Variants in KCNIP4 observed in about 807,000 individuals in gnomAD.
The protein encoded by KCNIP4 is potassium voltage-gated channel interacting protein 4.
A neutral mutation model predicts 34.0 loss-of-function variants in KCNIP4; 12 were observed. That is an observed-to-expected ratio of 0.35 (90% CI 0.23 to 0.57). The LOEUF is 0.57. Ranked by LOEUF, KCNIP4 falls within the 20% of genes least tolerant of loss-of-function variation. KCNIP4 has a pLI of 0.83. For missense variants in KCNIP4, 238 were observed against 311.7 expected, an observed-to-expected ratio of 0.76 and a Z score of 1.78; for synonymous variants, 124 against 102.2, an observed-to-expected ratio of 1.21 and a Z score of -1.29.
chr4:20,757,238 A>G (rs11723855), intron 4 of KCNIP4, among the ~76,000 whole-genome samples: 16,217 of 152,066 alleles, frequency 0.11, 932 homozygotes, highest in Middle Eastern at 0.16. Flanking sequence ...TATGTCTGTA[A>G]TCTGTCCCCA....
chr4:21,475,004 AAAC>A (rs200629143), intron 1 of KCNIP4, among the ~76,000 whole-genome samples: 30 of 135,760 alleles, frequency 2.2e-4, no homozygotes, highest in Middle Eastern at 3.6e-3. Flanking sequence ...CCATCTCGAA[AAAC>A]AAAAAAAAAA....
At chr4:21,471,924 T>C (rs549843624) in intron 1 of KCNIP4, among the ~76,000 whole-genome samples, 103 of 152,292 alleles carry the variant, frequency 6.8e-4, no homozygotes, top group African/African-American at 2.5e-3. Context: ...TAAATAAAAA[T>C]ATTCTTCTTT....
intron 1 of KCNIP4, among the ~76,000 whole-genome samples, chr4:21,498,890 C>A (rs1265263199): frequency 2.0e-5 from 3 of 152,012 alleles, no homozygotes; most frequent in Non-Finnish European, 4.4e-5. Flanking sequence ...AACAAACAAA[C>A]AAAAAAACCC....
intron 5 of KCNIP4, among the ~76,000 whole-genome samples, chr4:20,745,150 C>T (rs1166678954): frequency 6.6e-6 from 1 of 152,172 alleles, no homozygotes; most frequent in East Asian, 1.9e-4. Flanking sequence ...TACAGGGTCC[C>T]ACCCTTAGGT....
chr4:21,770,644 C>T (rs936890472), intron 1 of KCNIP4, among the ~76,000 whole-genome samples: 4 of 152,128 alleles, frequency 2.6e-5, no homozygotes, highest in Admixed American at 2.6e-4. Flanking sequence ...TACCGCCATT[C>T]TCACTGGCAT....
intron 1 of KCNIP4, among the ~76,000 whole-genome samples, chr4:21,765,839 A>C (rs972883940): frequency 4.2e-4 from 63 of 149,634 alleles, no homozygotes; most frequent in African/African-American, 1.5e-3. Context: ...AAAAAAAAAA[A>C]CAAACTGAAG....
At position 21,165,449 on chromosome 4, in the gene KCNIP4, CAAAAAAAAAAAA is replaced by C. The variant is rs1161082468; in HGVS notation, c.62-282752_62-282741del. On this transcript the variant is annotated intron_variant, in intron 1 of 8. Coordinates refer to ENST00000382152, the MANE Select transcript of KCNIP4 (RefSeq NM_025221.6). ...AAAAAAATCATATGTTTGAAAGCAT[CAAAAAAAAAAAA>C]AAAAAAAAAAAAAAGAAAATTATAC... Among the ~76,000 whole-genome samples the C allele has an allele frequency of 4.8e-3, 3 of 620 alleles. 1 individual carries two copies. The highest frequency in any genetic ancestry group is 0.12 in the South Asian group (1 of 8). The allele number at this position is 620 out of a possible 152,430, so 0.4% of individuals were successfully genotyped here. A position where few individuals can be genotyped will look rare whatever the true frequency, so the allele number is the denominator to read the frequency against.
intron 1 of KCNIP4, chr4:21,581,996 T>A (rs372369838): frequency 2.2e-5 from 3 of 134,030 alleles, no homozygotes; most frequent in East Asian, 2.2e-4. Flanking sequence ...ATAGACTACA[T>A]AGGGCATAGA....
chr4:21,568,500 T>C (rs1254707622), intron 1 of KCNIP4, among the ~76,000 whole-genome samples: 1 of 152,078 alleles, frequency 6.6e-6, no homozygotes, highest in African/African-American at 2.4e-5. Flanking sequence ...GGCTGGGAGA[T>C]GCAGACCCAC....
chr4:21,539,295 T>C (rs2108994571), intron 1 of KCNIP4, among the ~76,000 whole-genome samples: 1 of 152,346 alleles, frequency 6.6e-6, no homozygotes, highest in South Asian at 2.1e-4. Context: ...TGAAGTTTTC[T>C]AGTTCCACCC....
intron 1 of KCNIP4, among the ~76,000 whole-genome samples, chr4:21,885,970 A>G (rs1406414406): frequency 6.6e-6 from 1 of 152,056 alleles, no homozygotes; most frequent in Non-Finnish European, 1.5e-5. Context: ...GTTTTCAAGT[A>G]TCATTACTCA....
At chr4:21,306,744 G>A (rs991043081) in intron 1 of KCNIP4, among the ~76,000 whole-genome samples, 3 of 152,054 alleles carry the variant, frequency 2.0e-5, no homozygotes, top group Non-Finnish European at 4.4e-5. Context: ...CCTTATATAT[G>A]AATGTCCATA....
At chr4:21,193,728 C>T (rs1392835869) in intron 1 of KCNIP4, among the ~76,000 whole-genome samples, 3 of 152,006 alleles carry the variant, frequency 2.0e-5, no homozygotes, top group South Asian at 2.1e-4. Context: ...CCAGCCACCA[C>T]GCCCGGCTAA....
intron 1 of KCNIP4, among the ~76,000 whole-genome samples, chr4:21,268,852 A>G (rs1761971688): frequency 6.6e-6 from 1 of 152,254 alleles, no homozygotes; most frequent in Non-Finnish European, 1.5e-5. Context: ...AACTATGGCT[A>G]AAGCCAAGAC....
chr4:21,365,522 TAAAAAATAAA>T (rs1420103358), intron 1 of KCNIP4, among the ~76,000 whole-genome samples: 6,939 of 113,482 alleles, frequency 0.061, 232 homozygotes, highest in African/African-American at 0.075. Context: ...AATAAATAAA[TAAAAAATAAA>T]GAAAGAAAAG....
At chr4:21,796,782 T>C (rs957664167) in intron 1 of KCNIP4, among the ~76,000 whole-genome samples, 5 of 152,212 alleles carry the variant, frequency 3.3e-5, no homozygotes, top group African/African-American at 1.2e-4. Flanking sequence ...AACTGATGCA[T>C]TTATCAATGA....
At chr4:21,238,793 G>A (rs914491926) in intron 1 of KCNIP4, among the ~76,000 whole-genome samples, 2 of 152,110 alleles carry the variant, frequency 1.3e-5, no homozygotes, top group Non-Finnish European at 2.9e-5. Context: ...CATGAAAATG[G>A]CTATACTGCC....
intron 1 of KCNIP4, among the ~76,000 whole-genome samples, chr4:21,860,836 A>G (rs1725032909): frequency 6.6e-6 from 1 of 152,216 alleles, no homozygotes; most frequent in Non-Finnish European, 1.5e-5. Context: ...CACAGTCTAC[A>G]AATATTCATT....
chr4:21,829,990 T>TA (rs1256462277), intron 1 of KCNIP4, among the ~76,000 whole-genome samples: 28 of 152,282 alleles, frequency 1.8e-4, no homozygotes, highest in African/African-American at 6.5e-4. Context: ...AGTAAGTTTT[T>TA]ATCTATCAAT....
Sources: allele counts gnomAD v4.1 joint callset (sites outside exome capture counted in the v4.1 genomes callset), GRCh38; gene constraint gnomAD v4.1.1; transcripts MANE v1.5; gene names NCBI Gene and HGNC (gene_info 2026-07-23, HGNC 2026-07-21).